Variants in ANKRD30A observed in about 807,000 individuals in gnomAD.
ANKRD30A encodes ankyrin repeat domain-containing protein 30A.
Under a neutral mutation model 166.3 loss-of-function variants are expected in ANKRD30A, and 170 were observed. That is an observed-to-expected ratio of 1.02 (90% CI 0.90 to 1.16). The LOEUF is 1.16. Among genes scored for constraint, ANKRD30A ranks in the 50% most tolerant of loss-of-function variants. The pLI is 0.00. For synonymous variants in ANKRD30A, 564 were observed against 508.9 expected (o/e 1.11, Z -1.46); for missense variants, 1,630 against 1,518.0 (o/e 1.07, Z -1.23).
At chr10:37,146,564 T>A (rs1230807132) in intron 8 of ANKRD30A, among the ~76,000 whole-genome samples, 1 of 152,194 alleles carries the variant, frequency 6.6e-6, no homozygotes, top group African/African-American at 2.4e-5. Context: ...TCTCTGCCAG[T>A]CCAGCTGAGG....
intron 21 of ANKRD30A, among the ~76,000 whole-genome samples, chr10:37,171,687 C>A (rs541431897): frequency 6.6e-6 from 1 of 151,226 alleles, no homozygotes; most frequent in Non-Finnish European, 1.5e-5. Flanking sequence ...ACCTCTGAGT[C>A]TTTTTTCTCT....
the ANKRD30A span, among the ~76,000 whole-genome samples, chr10:37,243,974 T>C: frequency 1.1e-4 from 16 of 152,202 alleles, no homozygotes; most frequent in East Asian, 2.9e-3. Context: ...GTCACAAATA[T>C]GTCAGCCTCA....
intron 12 of ANKRD30A, among the ~76,000 whole-genome samples, chr10:37,153,188 G>T (rs1238756093): frequency 6.6e-6 from 1 of 152,146 alleles, no homozygotes; most frequent in Admixed American, 6.5e-5. Context: ...TGCTGTATGT[G>T]TCCTGGCAAG....
chr10:37,260,176 G>T, the ANKRD30A span, among the ~76,000 whole-genome samples: 1 of 151,834 alleles, frequency 6.6e-6, no homozygotes, highest in Non-Finnish European at 1.5e-5. Flanking sequence ...AAAAAATAGT[G>T]TTGCGCTTGT....
At chr10:37,229,741 A>G (rs1335020824) in intron 34 of ANKRD30A, among the ~76,000 whole-genome samples, 1 of 152,056 alleles carries the variant, frequency 6.6e-6, no homozygotes, top group Non-Finnish European at 1.5e-5. Context: ...TATGCAGCTT[A>G]TAATTACCTT....
chr10:37,251,576 C>G, the ANKRD30A span, among the ~76,000 whole-genome samples: 1 of 152,150 alleles, frequency 6.6e-6, no homozygotes, highest in Non-Finnish European at 1.5e-5. Context: ...GGCTTCATTT[C>G]TTCCTTTGAT....
chr10:37,142,845 A>G (rs1316181514), intron 7 of ANKRD30A, among the ~76,000 whole-genome samples: 1 of 152,076 alleles, frequency 6.6e-6, no homozygotes, highest in Non-Finnish European at 1.5e-5. Context: ...GGCCTCCAAA[A>G]GTGCTGGGAA....
chr10:37,142,306 G>T lies in ANKRD30A; in HGVS notation c.1393+16G>T, dbSNP rs193041558. The stretch of plus-strand genomic sequence containing the variant: ...AGTGCCAATGGTAAGATGCTAGAGC[G>T]AACTTTGTAAGGTTTATTGGCACTT... On this transcript the variant is annotated intron_variant, in intron 7 of 35. Coordinates refer to ENST00000361713, the MANE Select transcript of ANKRD30A (RefSeq NM_052997.3). 2 of 1,567,980 alleles carry T rather than the reference G, an allele frequency of 1.3e-6. No individual in the cohort carries two copies. Among genetic ancestry groups the T allele is most frequent in the Non-Finnish European group, 8.6e-7 (1 of 1,163,372 alleles).
In ANKRD30A at chr10:37,211,845, A is replaced by G. The variant is rs1357607989; in HGVS notation, c.2870-4336A>G. On this transcript the variant is annotated intron_variant, in intron 31 of 35. Transcript: ENST00000361713. ...GCCATTCTAACTGGTGTGAGATGGT[A>G]TCTCATTGTGGTTTTGATTTGCATT... 2.6e-5 allele frequency among the ~76,000 whole-genome samples: 4 copies of G among 152,034 alleles called. No homozygotes were observed. The South Asian group carries it at 8.3e-4, about 32-fold the overall frequency.
At chr10:37,126,961 C>G (rs1283310517) in intron 1 of ANKRD30A, among the ~76,000 whole-genome samples, 2 of 142,610 alleles carry the variant, frequency 1.4e-5, no homozygotes, top group Non-Finnish European at 3.0e-5. Context: ...GCGGGAGAAT[C>G]GCTTGAACCC....
intron 19 of ANKRD30A, among the ~76,000 whole-genome samples, 176 bp downstream of exon 19, chr10:37,166,871 T>A (rs950860992): frequency 3.3e-5 from 5 of 152,112 alleles, no homozygotes; most frequent in Non-Finnish European, 5.9e-5. Flanking sequence ...CAGACTATAT[T>A]GTGAGTGCTG....
At chr10:37,160,583 A>C (rs1315540064) in intron 15 of ANKRD30A, among the ~76,000 whole-genome samples, 1 of 152,160 alleles carries the variant, frequency 6.6e-6, no homozygotes, top group Non-Finnish European at 1.5e-5. Flanking sequence ...CTGAAGTTGC[A>C]CCTCTGAGTC....
At chr10:37,219,935 TGAAA>T (rs1187849335) in intron 34 of ANKRD30A, 38 bp downstream of exon 34, 6 of 1,364,800 alleles carry the variant, frequency 4.4e-6, no homozygotes, top group East Asian at 2.7e-5. Context: ...TCAAACTTCC[TGAAA>T]GAAAGTTTAA....
downstream of ANKRD30A, among the ~76,000 whole-genome samples, chr10:37,237,191 A>G (rs1843704023): frequency 6.6e-6 from 1 of 152,200 alleles, no homozygotes; most frequent in South Asian, 2.1e-4. Flanking sequence ...CCAGTCTCAG[A>G]CGGAAGACCT....
chr10:37,244,561 T>A, the ANKRD30A span, among the ~76,000 whole-genome samples: 1 of 152,372 alleles, frequency 6.6e-6, no homozygotes, highest in East Asian at 1.9e-4. Flanking sequence ...ACCAGTCTCT[T>A]GTGTCCCTGC....
chr10:37,220,663 G>T lies in ANKRD30A; in HGVS notation c.4185+766G>T, dbSNP rs147570259. ...TTTTGAATATTGTTACAAATAATTTGCTCATAATTTCTATTTGAAGGCTCA... is the reference window on the plus strand; with the variant it reads ...TTTTGAATATTGTTACAAATAATTTTCTCATAATTTCTATTTGAAGGCTCA... On this transcript the variant is annotated intron_variant, in intron 34 of 35. Transcript: ENST00000361713. Among the ~76,000 whole-genome samples the T allele has an allele frequency of 9.4e-3, 1,422 of 151,072 alleles. 31 individuals carry two copies. Among genetic ancestry groups the T allele is most frequent in the African/African-American group, 0.033 (1,345 of 41,352 alleles).
chr10:37,225,228 A>C (rs185561314), intron 34 of ANKRD30A, among the ~76,000 whole-genome samples: 1 of 151,732 alleles, frequency 6.6e-6, no homozygotes, highest in Admixed American at 6.6e-5. Flanking sequence ...TATTACTTAC[A>C]TAAAGTTAAA....
At chr10:37,246,185 T>C in the ANKRD30A span, among the ~76,000 whole-genome samples, 2 of 152,240 alleles carry the variant, frequency 1.3e-5, no homozygotes, top group African/African-American at 2.4e-5. Flanking sequence ...TCTCTTCTAA[T>C]ACTAGGTCTC....
In ANKRD30A at chr10:37,197,398, C is replaced by T. The variant is rs1277774467; in HGVS notation, c.2644-10C>T. The T allele has an allele frequency of 6.2e-7, 1 of 1,612,558 alleles. No homozygotes were observed. Among genetic ancestry groups the T allele is most frequent in the Admixed American group, 1.7e-5 (1 of 59,990 alleles). ...TCTTTATTAATCATTTTGCTTCCAA[C>T]CCCATTTAGCCTGCCATTGAAATGC... On this transcript the variant is annotated splice_polypyrimidine_tract_variant and intron_variant, in intron 28 of 35. Transcript: ENST00000361713.
Sources: gnomAD v4.1 joint callset for allele counts (sites outside exome capture counted in the v4.1 genomes callset) on GRCh38, gnomAD v4.1.1 for gene constraint, MANE v1.5 for transcripts, NCBI Gene and HGNC (gene_info 2026-07-23, HGNC 2026-07-21) for gene names.